The following TSR1 variants were observed in gnomAD, a reference collection of about 807,000 sequenced individuals.
TSR1 encodes pre-rRNA-processing protein TSR1 homolog.
A neutral mutation model predicts 90.9 loss-of-function variants in TSR1; 81 were observed. The observed-to-expected ratio is 0.89, with a 90% CI of 0.74 to 1.07. The LOEUF (loss-of-function observed/expected upper bound fraction) is 1.07. TSR1 is among the 50% of genes least tolerant of loss of function. The pLI, the probability that TSR1 is intolerant of heterozygous loss-of-function variation, is 0.00. For synonymous variants in TSR1, 362 were observed against 348.8 expected, an observed-to-expected ratio of 1.04 and a Z score of -0.42; for missense variants, 989 against 987.3, an observed-to-expected ratio of 1.00 and a Z score of -0.02.
chr17:2,329,356 A>G lies in TSR1; in HGVS notation c.1890T>C (p.Ser630=), dbSNP rs778996171. The G allele has an allele frequency of 6.2e-7, 1 of 1,614,208 alleles. No individual in the cohort carries two copies. Among genetic ancestry groups the G allele is most frequent in the Non-Finnish European group, 8.5e-7 (1 of 1,180,034 alleles). Residue 630 remains serine, a synonymous_variant, in exon 11 of 15, where the codon TCT becomes TCC. Transcript: ENST00000301364. ...CCCATTGCTAACCTGCAGTGTGCTG[A>G]GAGAATAAAGGTGAGGCTCGGAAGC... ...FRRFRASPLF[S]QHTAADKHKL...
At chr17:2,335,886 A>G in intron 2 of TSR1, 151 bp downstream of exon 2, 1 of 1,204,392 alleles carries the variant, frequency 8.3e-7, no homozygotes, top group South Asian at 1.4e-5. Flanking sequence ...ATTCTGACCA[A>G]AGCAAAGAAT....
chr17:2,329,454 C>T lies in TSR1; in HGVS notation c.1792G>A (p.Val598Met), dbSNP rs138311239. Reference protein sequence around the residue: ...EQKMSVLNMVVRRDPGNTEPV... With the variant: ...EQKMSVLNMVMRRDPGNTEPV... ...TCAGTGTTGCCAGGGTCACGCCTCA[C>T]CACCATATTCAATACTGACATCTGG... The change falls in exon 11 of 15, where the codon GTG becomes ATG. Residue 598 changes from valine (V) to methionine (M), a missense_variant. Transcript: ENST00000301364. 1.4e-5 allele frequency: 23 copies of T among 1,614,146 alleles called. No homozygotes were observed. In the African/African-American group the frequency reaches 2.1e-4, roughly 15 times the overall value.
chr17:2,324,632 A>C, intron 13 of TSR1, 54 bp from the exon 14 acceptor site: 1 of 1,614,066 alleles, frequency 6.2e-7, no homozygotes, highest in South Asian at 1.1e-5. Context: ...ACAAAATGTA[A>C]ACCCAACCTT....
intron 7 of TSR1, among the ~76,000 whole-genome samples, 170 bp from the exon 8 acceptor site, chr17:2,332,529 T>A (rs1406505035): frequency 1.3e-5 from 2 of 151,996 alleles, no homozygotes; most frequent in Non-Finnish European, 2.9e-5. Context: ...AACTACAGAG[T>A]CATTCCTAAG....
intron 11 of TSR1, among the ~76,000 whole-genome samples, chr17:2,327,039 A>G (rs1050740942): frequency 6.6e-6 from 1 of 152,042 alleles, no homozygotes; most frequent in Non-Finnish European, 1.5e-5. Context: ...TAGGAGGCAG[A>G]GGTTGCAGTG....
intron 11 of TSR1, 130 bp downstream of exon 11, chr17:2,329,213 G>T: frequency 7.3e-7 from 1 of 1,366,630 alleles, no homozygotes; most frequent in Non-Finnish European, 1.0e-6. Context: ...TGGCTCTTAA[G>T]CCAGAGTACT....
rs1460661629 is a variant in TSR1 at position 2,324,000 on chromosome 17, G to GT, written c.*195dup. ...GTGGCTATTTCATTAAGATTTAATA[G>GT]TTTTTTTTGGACTAAGTAGTGGAAA... On this transcript the variant is annotated 3_prime_UTR_variant, in exon 15 of 15. Coordinates refer to ENST00000301364, the MANE Select transcript of TSR1 (RefSeq NM_018128.5). 368 of 1,148,960 alleles carry GT rather than the reference G, an allele frequency of 3.2e-4. 2 individuals carry two copies. In the South Asian group the frequency reaches 4.1e-3, roughly 13 times the overall value. 71.2% of individuals were successfully genotyped at this position (1,148,960 alleles called of 1,614,324 possible). A position where few individuals can be genotyped will look rare whatever the true frequency, so the allele number is the denominator to read the frequency against.
chr17:2,326,538 C>A (rs2075577124), intron 11 of TSR1, among the ~76,000 whole-genome samples: 3 of 152,176 alleles, frequency 2.0e-5, no homozygotes, highest in Admixed American at 2.0e-4. Flanking sequence ...AGTTTCCACA[C>A]TTTATCACAC....
chr17:2,330,876 G>C (rs1019403269), intron 9 of TSR1, 71 bp downstream of exon 9: 1 of 1,502,034 alleles, frequency 6.7e-7, no homozygotes, highest in African/African-American at 1.4e-5. Flanking sequence ...TTCATGCCAA[G>C]AGAAGGAATA....
chr17:2,324,771 G>T lies in TSR1; in HGVS notation c.2079C>A (p.Val693=), dbSNP rs753920902. 5 of 1,614,166 alleles carry T rather than the reference G, an allele frequency of 3.1e-6. No homozygotes were observed. In the East Asian group the frequency reaches 1.1e-4, roughly 36 times the overall value. ...GACCACTCAGAACAACTCTCTTGATGACCATTCTGTCTGGATCTACTGACA... is the reference window on the plus strand; with the variant it reads ...GACCACTCAGAACAACTCTCTTGATTACCATTCTGTCTGGATCTACTGACA... ...HLMSVDPDRM[V]IKRVVLSGHP... is the part of the protein sequence containing the mutation. Residue 693 remains valine (V), a synonymous_variant, in exon 13 of 15, where the codon GTC becomes GTA. Coordinates refer to ENST00000301364, the MANE Select transcript of TSR1 (RefSeq NM_018128.5).
At chr17:2,326,326 C>T (rs938854737) in intron 11 of TSR1, among the ~76,000 whole-genome samples, 3 of 152,124 alleles carry the variant, frequency 2.0e-5, no homozygotes, top group Non-Finnish European at 4.4e-5. Flanking sequence ...AGTGAGTGAA[C>T]TAGGACGATG....
At position 2,335,585 on chromosome 17, in the gene TSR1, A is replaced by C. The variant is rs765187740; in HGVS notation, c.347T>G (p.Leu116Trp). 7 of 1,614,056 alleles carry C rather than the reference A, an allele frequency of 4.3e-6. No individual in the cohort carries two copies. In the East Asian group the frequency reaches 1.6e-4, roughly 36 times the overall value. Residue 116 changes from leucine (L) to tryptophan (W), a missense_variant, in exon 3 of 15, where the codon TTG becomes TGG. Physicochemically the swap from Leu to Trp is moderately conservative, Grantham distance 61 (BLOSUM62 -2). Transcript: ENST00000301364. ...CAGCATAAAGTTCTGGGTGTTTCCC[A>C]ATTCATTCAAGTGTACTGTTCCAGT... ...RDTGTVHLNELGNTQNFMLLC... is the reference protein window; with the variant it reads ...RDTGTVHLNEWGNTQNFMLLC...
chr17:2,333,945 A>G (rs951822233), intron 5 of TSR1, among the ~76,000 whole-genome samples: 4 of 151,970 alleles, frequency 2.6e-5, no homozygotes, highest in African/African-American at 9.7e-5. Context: ...CTATCCATTT[A>G]TTACGTACCT....
At chr17:2,330,467 G>C in intron 10 of TSR1, 48 bp downstream of exon 10, 2 of 1,543,942 alleles carry the variant, frequency 1.3e-6, no homozygotes, top group South Asian at 2.2e-5. Context: ...GTCAGAAGCA[G>C]CTGGAAAGTT....
Position 2,331,608 on chromosome 17 carries a change from C to T in TSR1, c.1497-499G>A, listed in dbSNP as rs971973634. 1.4e-4 allele frequency among the ~76,000 whole-genome samples: 22 copies of T among 152,132 alleles called. 1 individual carries two copies. The highest frequency in any genetic ancestry group is 9.6e-4 in the East Asian group (5 of 5,194). On this transcript the variant is annotated intron_variant, in intron 8 of 14. Coordinates refer to ENST00000301364, the MANE Select transcript of TSR1 (RefSeq NM_018128.5). ...GCCATGATTGTAAGTTTCTTGAGGA[C>T]ACCCCCAGAAGCTGAGCAGATGCCA...
chr17:2,330,894 G>A, intron 9 of TSR1, 53 bp downstream of exon 9: 1 of 1,522,094 alleles, frequency 6.6e-7, no homozygotes, highest in Non-Finnish European at 8.8e-7. Flanking sequence ...ATAAAGTAGG[G>A]AGCATGTTGA....
Position 2,335,357 on chromosome 17 carries a change from A to T in TSR1, c.459T>A (p.Ala153=). 1 of 1,614,044 alleles carries T rather than the reference A, an allele frequency of 6.2e-7. No individual in the cohort carries two copies. Among genetic ancestry groups the T allele is most frequent in the Non-Finnish European group, 8.5e-7 (1 of 1,180,018 alleles). ...LHVVLDMAKV[A]DTILFLLDPL... ...GATCAAGGAGGAACAGGATGGTATC[A>T]GCTACTTTAGCCATGTCTAACACAA... is the stretch of plus-strand genomic sequence containing the variant. The change falls in exon 4 of 15, where the codon GCT becomes GCA. Residue 153 remains alanine, a synonymous_variant. Coordinates refer to ENST00000301364, the MANE Select transcript of TSR1 (RefSeq NM_018128.5).
rs61743762 is a variant in TSR1 at position 2,335,381 on chromosome 17, A to G, written c.435T>C (p.Val145=). ...CAGCTACTTTAGCCATGTCTAACACAACGTGCAGATCCCCTGCAGATAGAA... is the reference window on the plus strand; with the variant it reads ...CAGCTACTTTAGCCATGTCTAACACGACGTGCAGATCCCCTGCAGATAGAA... ...FTSARPGDLH[V]VLDMAKVADT... The change falls in exon 4 of 15, where the codon GTT becomes GTC. Residue 145 remains valine (V), a synonymous_variant. Coordinates refer to ENST00000301364, the MANE Select transcript of TSR1 (RefSeq NM_018128.5). 0.028 allele frequency: 45,732 copies of G among 1,613,794 alleles called. 727 individuals are homozygous for G. The highest frequency in any genetic ancestry group is 0.052 in the Middle Eastern group (317 of 6,062).
At position 2,324,272 on chromosome 17, in the gene TSR1, T is replaced by A; in HGVS notation, c.2339A>T (p.Asp780Val). The change falls in exon 15 of 15, where the codon GAT (aspartate) becomes GTT (valine). Residue 780 changes from aspartate to valine, a missense_variant. Coordinates refer to ENST00000301364, the MANE Select transcript of TSR1 (RefSeq NM_018128.5). ...YKRVFPKWTY[D>V]PYVPEPVPWL... ...GGGTACTGGTTCTGGTACATATGGA[T>A]CATAAGTCCATTTGGGGAAGACTCG... is the stretch of plus-strand genomic sequence containing the variant. The A allele has an allele frequency of 6.4e-7, 1 of 1,554,078 alleles. No individual in the cohort carries two copies. The highest frequency in any genetic ancestry group is 8.7e-7 in the Non-Finnish European group (1 of 1,155,622).
Sources: allele counts gnomAD v4.1 joint callset (sites outside exome capture counted in the v4.1 genomes callset), GRCh38; gene constraint gnomAD v4.1.1; transcripts MANE v1.5; gene names NCBI Gene and HGNC (gene_info 2026-07-23, HGNC 2026-07-21).